Variants in GABRG3 observed in about 807,000 individuals in gnomAD.
GABRG3 encodes gamma-aminobutyric acid receptor subunit gamma-3.
GABRG3 carries 25 observed loss-of-function variants against 48.8 expected under a neutral mutation model. The observed-to-expected ratio is 0.51, with a 90% confidence interval of 0.37 to 0.72. The LOEUF (loss-of-function observed/expected upper bound fraction) is 0.72. Ranked by LOEUF, GABRG3 falls within the 30% of genes least tolerant of loss-of-function variation. The pLI is 0.00. For missense variants in GABRG3, 394 were observed against 577.9 expected (o/e 0.68, Z 3.26); for synonymous variants, 227 against 217.6 (o/e 1.04, Z -0.38).
chr15:27,043,506 C>T (rs1045793550), intron 3 of GABRG3, among the ~76,000 whole-genome samples: 1 of 152,096 alleles, frequency 6.6e-6, no homozygotes, highest in Non-Finnish European at 1.5e-5. Flanking sequence ...ATAGGAAGTC[C>T]CCTCTGTTTT....
At chr15:27,419,289 A>G (rs1003591984) in intron 5 of GABRG3, among the ~76,000 whole-genome samples, 3 of 151,856 alleles carry the variant, frequency 2.0e-5, no homozygotes, top group African/African-American at 7.3e-5. Flanking sequence ...TACCCACGCC[A>G]CAGCTTTCAT....
At chr15:27,080,248 A>G (rs953212191) in intron 3 of GABRG3, among the ~76,000 whole-genome samples, 8 of 152,266 alleles carry the variant, frequency 5.3e-5, no homozygotes, top group African/African-American at 1.9e-4. Flanking sequence ...CCAAGAGTTC[A>G]AGGCCAGCCT....
At chr15:27,351,503 TG>T (rs1894591127) in intron 5 of GABRG3, among the ~76,000 whole-genome samples, 1 of 138,772 alleles carries the variant, frequency 7.2e-6, no homozygotes, top group Non-Finnish European at 1.6e-5. Flanking sequence ...GTGTGTGTGT[TG>T]GTATGTGTGT....
chr15:27,521,329 C>A (rs923848389), intron 7 of GABRG3, among the ~76,000 whole-genome samples: 1 of 151,908 alleles, frequency 6.6e-6, no homozygotes, highest in Non-Finnish European at 1.5e-5. Context: ...AAGGGGGTAC[C>A]CTAGACGTCC....
chr15:27,396,039 C>A (rs1194172694), intron 5 of GABRG3, among the ~76,000 whole-genome samples: 1 of 152,048 alleles, frequency 6.6e-6, no homozygotes, highest in African/African-American at 2.4e-5. Flanking sequence ...TTTGTTATTT[C>A]TTTGTGTAGA....
At chr15:27,143,649 T>C (rs1898146669) in intron 3 of GABRG3, among the ~76,000 whole-genome samples, 2 of 152,228 alleles carry the variant, frequency 1.3e-5, no homozygotes, top group African/African-American at 4.8e-5. Flanking sequence ...GTATCCTTTC[T>C]ATAGACTTGA....
chr15:27,262,417 T>G (rs1421669491), intron 3 of GABRG3, among the ~76,000 whole-genome samples: 2 of 152,170 alleles, frequency 1.3e-5, no homozygotes, highest in Non-Finnish European at 2.9e-5. Flanking sequence ...TAGTGATTCC[T>G]TTCTCCATCT....
At chr15:27,228,700 C>T (rs1889702907) in intron 3 of GABRG3, among the ~76,000 whole-genome samples, 1 of 152,144 alleles carries the variant, frequency 6.6e-6, no homozygotes, top group Non-Finnish European at 1.5e-5. Flanking sequence ...TAAGGGTTCC[C>T]TTTTCTCTGC....
intron 3 of GABRG3, among the ~76,000 whole-genome samples, chr15:27,305,081 GT>G (rs1287450382): frequency 2.6e-5 from 4 of 151,696 alleles, no homozygotes; most frequent in African/African-American, 9.7e-5. Context: ...TGACTTTTAG[GT>G]TTTTAATACA....
At chr15:27,333,921 G>T (rs759747688) in intron 5 of GABRG3, among the ~76,000 whole-genome samples, 1 of 152,064 alleles carries the variant, frequency 6.6e-6, no homozygotes, top group Non-Finnish European at 1.5e-5. Flanking sequence ...TACAAATTTT[G>T]GTCATTTAGT....
chr15:27,097,006 ATTTTTTT>A (rs36057231), intron 3 of GABRG3, among the ~76,000 whole-genome samples: 16 of 131,720 alleles, frequency 1.2e-4, no homozygotes, highest in South Asian at 5.1e-4. Context: ...ATACCCGGCT[ATTTTTTT>A]TTTTTTTTTT....
intron 5 of GABRG3, among the ~76,000 whole-genome samples, chr15:27,368,047 C>T (rs370592878): frequency 8.5e-5 from 13 of 152,308 alleles, no homozygotes; most frequent in East Asian, 3.9e-4. Flanking sequence ...CCTCACACTG[C>T]GGCCCCAGAA....
At chr15:26,989,022 A>T (rs1402916793) in intron 2 of GABRG3, among the ~76,000 whole-genome samples, 1 of 152,124 alleles carries the variant, frequency 6.6e-6, no homozygotes, top group Non-Finnish European at 1.5e-5. Context: ...GAACATCTTC[A>T]TCTGTGCAAA....
intron 3 of GABRG3, among the ~76,000 whole-genome samples, chr15:27,086,325 C>T (rs11634228): frequency 0.31 from 45,649 of 149,150 alleles, 7,384 homozygotes; most frequent in East Asian, 0.43. Context: ...CAGAGTTCTG[C>T]GCATTTACAA....
chr15:27,357,179 T>C (rs1894870228), intron 5 of GABRG3, among the ~76,000 whole-genome samples: 1 of 152,182 alleles, frequency 6.6e-6, no homozygotes, highest in South Asian at 2.1e-4. Context: ...CGCTCTGTCT[T>C]CCCCAACACT....
intron 5 of GABRG3, among the ~76,000 whole-genome samples, chr15:27,409,262 T>G (rs533712337): frequency 6.6e-6 from 1 of 152,210 alleles, no homozygotes; most frequent in Non-Finnish European, 1.5e-5. Context: ...TTTGAATTAA[T>G]TTTTGTGCAT....
At chr15:27,500,452 G>A (rs1261840318) in intron 6 of GABRG3, among the ~76,000 whole-genome samples, 1 of 152,186 alleles carries the variant, frequency 6.6e-6, no homozygotes, top group African/African-American at 2.4e-5. Flanking sequence ...GCACTGGGGA[G>A]CTGCAGAAAC....
intron 2 of GABRG3, among the ~76,000 whole-genome samples, chr15:27,019,874 T>C (rs1260082220): frequency 2.0e-5 from 3 of 152,222 alleles, no homozygotes; most frequent in African/African-American, 4.8e-5. Flanking sequence ...AATAATTACG[T>C]CATTTTTACT....
intron 6 of GABRG3, among the ~76,000 whole-genome samples, chr15:27,491,873 C>T (rs924277731): frequency 1.3e-5 from 2 of 152,148 alleles, no homozygotes; most frequent in Admixed American, 1.3e-4. Flanking sequence ...GCTATTTAGG[C>T]AGTATGCATC....
Sources: gnomAD v4.1 joint callset for allele counts (sites outside exome capture counted in the v4.1 genomes callset) on GRCh38, gnomAD v4.1.1 for gene constraint, MANE v1.5 for transcripts, NCBI Gene and HGNC (gene_info 2026-07-23, HGNC 2026-07-21) for gene names.